The following DOK5 variants were observed in gnomAD, a reference collection of about 807,000 sequenced individuals.
DOK5 encodes the protein docking protein 5.
Under a neutral mutation model 43.3 loss-of-function variants are expected in DOK5, and 27 were observed. The ratio of observed to expected loss-of-function variants is 0.62; its 90% confidence interval spans 0.46 to 0.86. The LOEUF (loss-of-function observed/expected upper bound fraction) is 0.86. Ranked by LOEUF, DOK5 falls within the 40% of genes least tolerant of loss-of-function variation. DOK5 has a pLI of 0.00. For missense variants in DOK5, 373 were observed against 392.9 expected (o/e 0.95, Z 0.43); for synonymous variants, 146 against 140.1 (o/e 1.04, Z -0.30).
intron 6 of DOK5, among the ~76,000 whole-genome samples, chr20:54,622,653 G>A (rs960974225): frequency 3.3e-5 from 5 of 152,276 alleles, no homozygotes; most frequent in South Asian, 2.1e-4. Context: ...TGGGGGCTCC[G>A]TCAGTAGGCA....
At chr20:54,620,058 A>T (rs1986932771) in intron 6 of DOK5, among the ~76,000 whole-genome samples, 2 of 151,460 alleles carry the variant, frequency 1.3e-5, no homozygotes, top group African/African-American at 2.4e-5. Flanking sequence ...TGGATTTTTT[A>T]AAATGTGCTG....
chr20:54,612,014 T>A (rs1374868616), intron 6 of DOK5, among the ~76,000 whole-genome samples: 2 of 152,242 alleles, frequency 1.3e-5, no homozygotes, highest in East Asian at 3.8e-4. Context: ...CTGCAGCTAT[T>A]GGAAAGATGT....
intron 1 of DOK5, among the ~76,000 whole-genome samples, chr20:54,502,068 G>A (rs6091904): frequency 0.06 from 9,175 of 152,214 alleles, 943 homozygotes; most frequent in African/African-American, 0.21. Flanking sequence ...AAGAGAGAGC[G>A]TGCTCATTTG....
intron 2 of DOK5, among the ~76,000 whole-genome samples, chr20:54,575,866 G>A (rs1985437062): frequency 6.6e-6 from 1 of 152,212 alleles, no homozygotes; most frequent in Non-Finnish European, 1.5e-5. Context: ...TATATATAAA[G>A]AGAGGATAAA....
At chr20:54,540,840 C>CT (rs1984134651) in intron 1 of DOK5, among the ~76,000 whole-genome samples, 2 of 151,960 alleles carry the variant, frequency 1.3e-5, no homozygotes, top group African/African-American at 4.8e-5. Flanking sequence ...ACTTTACATG[C>CT]ACTGACATAT....
chr20:54,639,222 G>A (rs1978992714), intron 6 of DOK5, among the ~76,000 whole-genome samples: 1 of 152,134 alleles, frequency 6.6e-6, no homozygotes, highest in Admixed American at 6.5e-5. Flanking sequence ...CCTATAAAGG[G>A]GTGTGCCCAG....
At chr20:54,534,583 C>G (rs187672510) in intron 1 of DOK5, among the ~76,000 whole-genome samples, 91 of 152,334 alleles carry the variant, frequency 6.0e-4, no homozygotes, top group Non-Finnish European at 9.4e-4. Context: ...TGGACATTAA[C>G]AGGTCTTAGC....
At chr20:54,628,395 C>A (rs1263172580) in intron 6 of DOK5, among the ~76,000 whole-genome samples, 2 of 101,830 alleles carry the variant, frequency 2.0e-5, no homozygotes. Context: ...GGCGACAGAG[C>A]GAGACTCCGT....
chr20:54,579,058 G>A (rs1985546945), intron 2 of DOK5, among the ~76,000 whole-genome samples: 1 of 152,132 alleles, frequency 6.6e-6, no homozygotes, highest in Non-Finnish European at 1.5e-5. Context: ...CAATTTCATA[G>A]CAGTAGTATT....
At chr20:54,534,233 C>T (rs1030487295) in intron 1 of DOK5, among the ~76,000 whole-genome samples, 8 of 152,188 alleles carry the variant, frequency 5.3e-5, no homozygotes, top group African/African-American at 1.4e-4. Context: ...ATTGCCCAGG[C>T]GGGAGTGCAG....
intron 6 of DOK5, among the ~76,000 whole-genome samples, chr20:54,613,220 TCAC>T (rs1986707657): frequency 7.0e-6 from 1 of 143,368 alleles, no homozygotes; most frequent in Non-Finnish European, 1.5e-5. Flanking sequence ...CTCTCTCTCG[TCAC>T]CTCTCTCTCT....
chr20:54,597,589 G>T (rs539545999), intron 5 of DOK5, among the ~76,000 whole-genome samples: 1 of 152,294 alleles, frequency 6.6e-6, no homozygotes, highest in South Asian at 2.1e-4. Context: ...CTGGGCAATG[G>T]CAAGAGGTCC....
intron 6 of DOK5, among the ~76,000 whole-genome samples, chr20:54,632,444 T>C (rs1249007188): frequency 2.0e-5 from 3 of 152,256 alleles, no homozygotes; most frequent in Admixed American, 2.0e-4. Context: ...AGTATCATGA[T>C]ATAGAGCTAA....
intron 6 of DOK5, among the ~76,000 whole-genome samples, chr20:54,627,151 A>T (rs1234615714): frequency 3.3e-5 from 5 of 152,072 alleles, no homozygotes; most frequent in African/African-American, 1.2e-4. Flanking sequence ...TTAAAACAAT[A>T]CTCTTTGACT....
intron 6 of DOK5, among the ~76,000 whole-genome samples, chr20:54,635,364 G>A (rs1302779591): frequency 6.6e-6 from 1 of 152,154 alleles, no homozygotes; most frequent in African/African-American, 2.4e-5. Flanking sequence ...TTAACTAAGA[G>A]TCTGGTGCCC....
At chr20:54,508,557 G>A (rs2146685016) in intron 1 of DOK5, among the ~76,000 whole-genome samples, 1 of 151,424 alleles carries the variant, frequency 6.6e-6, no homozygotes, top group African/African-American at 2.4e-5. Context: ...GCAGGCTTTG[G>A]GAATGTTTTA....
chr20:54,597,013 C>T (rs1237343733), intron 5 of DOK5, among the ~76,000 whole-genome samples: 1 of 152,200 alleles, frequency 6.6e-6, no homozygotes, highest in Non-Finnish European at 1.5e-5. Context: ...CTGCACTTTA[C>T]ACAAAGCTCA....
At chr20:54,479,011 A>G (rs1172663832) in intron 1 of DOK5, among the ~76,000 whole-genome samples, 1 of 152,144 alleles carries the variant, frequency 6.6e-6, no homozygotes, top group Non-Finnish European at 1.5e-5. Flanking sequence ...ATTTTTATAC[A>G]TAGGAATAAA....
chr20:54,510,970 C>G (rs148331331), intron 1 of DOK5, among the ~76,000 whole-genome samples: 1,599 of 152,322 alleles, frequency 0.01, 20 homozygotes, highest in Middle Eastern at 0.037. Flanking sequence ...GACAGTCAAA[C>G]CCACATCACC....
Sources: allele counts gnomAD v4.1 joint callset (sites outside exome capture counted in the v4.1 genomes callset), GRCh38; gene constraint gnomAD v4.1.1; transcripts MANE v1.5; gene names NCBI Gene and HGNC (gene_info 2026-07-23, HGNC 2026-07-21).